Variants in EPB41L2 observed in about 807,000 individuals in gnomAD.
EPB41L2 encodes the protein erythrocyte membrane protein band 4.1 like 2, also known as band 4.1-like protein 2.
Under a neutral mutation model 113.0 loss-of-function variants are expected in EPB41L2, and 43 were observed. That is an observed-to-expected ratio of 0.38 (90% CI 0.30 to 0.49). The LOEUF is 0.49. EPB41L2 is among the 20% of genes least tolerant of loss of function. The probability of loss-of-function intolerance (pLI) is 0.95; values close to 1 mark genes in which losing one functional copy is unlikely to be tolerated. For missense variants in EPB41L2, 1,147 were observed against 1,223.4 expected, an observed-to-expected ratio of 0.94 and a Z score of 0.93; for synonymous variants, 442 against 436.7, an observed-to-expected ratio of 1.01 and a Z score of -0.15.
intron 1 of EPB41L2, among the ~76,000 whole-genome samples, chr6:131,056,542 T>C (rs1248379713): frequency 6.6e-6 from 1 of 152,190 alleles, no homozygotes; most frequent in Non-Finnish European, 1.5e-5. Flanking sequence ...ACTGTTTCAT[T>C]TCAAAGACTG....
At chr6:130,952,809 CA>C (rs200951794) in intron 3 of EPB41L2, among the ~76,000 whole-genome samples, 1,978 of 140,632 alleles carry the variant, frequency 0.014, 39 homozygotes, top group African/African-American at 0.038. Flanking sequence ...GACTCCATCT[CA>C]AAAAAAAAAA....
chr6:131,022,933 C>T (rs980151853), intron 1 of EPB41L2, among the ~76,000 whole-genome samples: 5 of 152,144 alleles, frequency 3.3e-5, no homozygotes, highest in African/African-American at 9.7e-5. Flanking sequence ...CTCTAGAAGA[C>T]GATTTCCACA....
chr6:131,059,672 T>G (rs1300593752), intron 1 of EPB41L2, among the ~76,000 whole-genome samples: 1 of 152,192 alleles, frequency 6.6e-6, no homozygotes, highest in Non-Finnish European at 1.5e-5. Flanking sequence ...TGTTTGCATG[T>G]TGAGAGGAAG....
At position 130,869,162 on chromosome 6, in the gene EPB41L2, AT is replaced by A. The variant is rs755208938; in HGVS notation, c.2607+400del. Among the ~76,000 whole-genome samples the A allele has an allele frequency of 2.3e-3, 352 of 150,224 alleles. 1 individual carries two copies. The highest frequency in any genetic ancestry group is 4.0e-3 in the Non-Finnish European group (269 of 67,374). ...GGGGCACACACACTCAGCAGTGACC[AT>A]TTTTTTTTTCAACATTACATATACA... On this transcript the variant is annotated intron_variant, in intron 15 of 19. Transcript: ENST00000337057.
chr6:130,935,415 CCA>C (rs1359248631), intron 3 of EPB41L2, among the ~76,000 whole-genome samples: 4 of 152,168 alleles, frequency 2.6e-5, no homozygotes, highest in African/African-American at 9.7e-5. Flanking sequence ...TTCTTCCACC[CCA>C]GTCTGCTGGG....
intron 1 of EPB41L2, among the ~76,000 whole-genome samples, chr6:131,032,673 AATT>A (rs1188638294): frequency 6.6e-6 from 1 of 152,158 alleles, no homozygotes; most frequent in Non-Finnish European, 1.5e-5. Flanking sequence ...GTCACAAAAG[AATT>A]ATTATTTGTT....
chr6:130,955,841 T>C (rs1304860598), intron 2 of EPB41L2, among the ~76,000 whole-genome samples, 153 bp downstream of exon 2: 2 of 152,194 alleles, frequency 1.3e-5, no homozygotes, highest in Non-Finnish European at 2.9e-5. Context: ...GGAAAGGCTA[T>C]GGTAGACCAA....
intron 1 of EPB41L2, among the ~76,000 whole-genome samples, chr6:130,971,534 G>T (rs1267245283): frequency 6.6e-6 from 1 of 152,194 alleles, no homozygotes; most frequent in Non-Finnish European, 1.5e-5. Flanking sequence ...CACCAAGCCG[G>T]CTACTAAGTA....
intron 1 of EPB41L2, among the ~76,000 whole-genome samples, chr6:131,034,053 A>T (rs1792794246): frequency 6.6e-6 from 1 of 152,240 alleles, no homozygotes; most frequent in African/African-American, 2.4e-5. Context: ...AGACATAAGC[A>T]TAGAAAGAGC....
chr6:130,982,777 T>C (rs1392445881), intron 1 of EPB41L2, among the ~76,000 whole-genome samples: 4 of 152,238 alleles, frequency 2.6e-5, no homozygotes, highest in Admixed American at 1.3e-4. Flanking sequence ...AACATATTTA[T>C]GCTTTGAAAC....
At chr6:130,937,584 G>T (rs1389907876) in intron 3 of EPB41L2, among the ~76,000 whole-genome samples, 3 of 152,206 alleles carry the variant, frequency 2.0e-5, no homozygotes, top group African/African-American at 2.4e-5. Flanking sequence ...ACTTTGGGAG[G>T]CCGAAGCAGG....
chr6:130,951,286 GAGAAAAAA>G (rs1814911078), intron 3 of EPB41L2, among the ~76,000 whole-genome samples: 1 of 108,368 alleles, frequency 9.2e-6, no homozygotes, highest in Admixed American at 1.0e-4. Context: ...GGGAGGGGAG[GAGAAAAAA>G]GATGCTCAGC....
intron 19 of EPB41L2, among the ~76,000 whole-genome samples, chr6:130,843,461 T>C (rs1010673851): frequency 6.6e-6 from 1 of 152,240 alleles, no homozygotes; most frequent in Non-Finnish European, 1.5e-5. Flanking sequence ...CTCATATTCA[T>C]AGAAGTCTGG....
intron 3 of EPB41L2, among the ~76,000 whole-genome samples, chr6:130,951,713 C>A (rs1395230904): frequency 1.3e-5 from 2 of 151,900 alleles, no homozygotes; most frequent in African/African-American, 4.8e-5. Context: ...TTTGAGTATC[C>A]TTCCCATGAG....
At position 130,923,840 on chromosome 6, in the gene EPB41L2, C is replaced by T. The variant is rs1477558083; in HGVS notation, c.810+2765G>A. ...GATTATTTTTAATTGTAGTAAAAAA[C>T]ACATAACATAAAATTTGCCATTTTA... On this transcript the variant is annotated intron_variant, in intron 4 of 19. Coordinates refer to ENST00000337057, the MANE Select transcript of EPB41L2 (RefSeq NM_001431.4). Among the ~76,000 whole-genome samples, 4 of 152,288 alleles carry T rather than the reference C, an allele frequency of 2.6e-5. No individual in the cohort carries two copies. In the East Asian group the frequency reaches 7.7e-4, roughly 29 times the overall value.
chr6:130,865,777 G>A (rs996693223), intron 16 of EPB41L2, 143 bp from the exon 17 acceptor site: 5 of 801,634 alleles, frequency 6.2e-6, no homozygotes, highest in African/African-American at 5.2e-5. Context: ...CCAGGAGAGC[G>A]GCTGGTATTT....
At chr6:131,004,387 A>G (rs1474385819) in intron 1 of EPB41L2, among the ~76,000 whole-genome samples, 1 of 152,216 alleles carries the variant, frequency 6.6e-6, no homozygotes, top group Non-Finnish European at 1.5e-5. Flanking sequence ...TTCTTGACAT[A>G]AAGTAAACAC....
intron 18 of EPB41L2, among the ~76,000 whole-genome samples, chr6:130,863,408 C>T (rs1436700555): frequency 6.6e-6 from 1 of 152,128 alleles, no homozygotes; most frequent in Non-Finnish European, 1.5e-5. Context: ...TTACGTTGAC[C>T]CAAAAGTGCA....
Position 130,954,040 on chromosome 6 carries a change from C to CTTTTTTTTTTTTTTTTTTTTT in EPB41L2, c.705+1044_705+1064dup, listed in dbSNP as rs780758511. On this transcript the variant is annotated intron_variant, in intron 3 of 19. Transcript: ENST00000337057. ...TCCTCTTTTGCTAGTCCTTTTCTTT[C>CTTTTTTTTTTTTTTTTTTTTT]TTTTTTTTTTTTTTTTTTTTTTTTT... Among the ~76,000 whole-genome samples the CTTTTTTTTTTTTTTTTTTTTT allele has an allele frequency of 8.5e-4, 50 of 58,864 alleles. 6 individuals carry two copies. Among genetic ancestry groups the CTTTTTTTTTTTTTTTTTTTTT allele is most frequent in the South Asian group, 2.8e-3 (3 of 1,082 alleles). 38.6% of individuals were successfully genotyped at this position (58,864 alleles called of 152,430 possible).
Sources: gnomAD v4.1 joint callset for allele counts (sites outside exome capture counted in the v4.1 genomes callset) on GRCh38, gnomAD v4.1.1 for gene constraint, MANE v1.5 for transcripts, NCBI Gene and HGNC (gene_info 2026-07-23, HGNC 2026-07-21) for gene names.